The following FAM107B variants were observed in gnomAD, a reference collection of about 807,000 sequenced individuals.
FAM107B encodes the protein family with sequence similarity 107 member B.
FAM107B carries 21 observed loss-of-function variants against 31.5 expected under a neutral mutation model. That is an observed-to-expected ratio of 0.67 (90% CI 0.47 to 0.96). FAM107B has a LOEUF of 0.96. Among genes scored for constraint, FAM107B ranks in the 40% least tolerant of loss-of-function variants. FAM107B has a pLI of 0.00. For missense variants in FAM107B, 452 were observed against 377.1 expected, an observed-to-expected ratio of 1.20 and a Z score of -1.64; for synonymous variants, 157 against 141.5, an observed-to-expected ratio of 1.11 and a Z score of -0.78.
chr10:14,564,109 T>C (rs1330757739), intron 2 of FAM107B, among the ~76,000 whole-genome samples: 1 of 152,038 alleles, frequency 6.6e-6, no homozygotes, highest in Admixed American at 6.5e-5. Context: ...TCAATAGATA[T>C]AACCAAAAAA....
intron 1 of FAM107B, among the ~76,000 whole-genome samples, chr10:14,752,525 A>C (rs190776632): frequency 8.5e-5 from 13 of 152,368 alleles, no homozygotes; most frequent in African/African-American, 2.9e-4. Flanking sequence ...TATAGGACGC[A>C]AACTGTCAAT....
At position 14,628,111 on chromosome 10, in the gene FAM107B, G is replaced by GGTTTTTTTTTGTTTTTT. The variant is rs1554841903; in HGVS notation, c.469+39522_469+39523insAAAAAACAAAAAAAAAC. On this transcript the variant is annotated intron_variant, in intron 2 of 4. Transcript: ENST00000181796. ...TTCCTTGTTTGTTTTTTGTTTTGCT[G>GGTTTTTTTTTGTTTTTT]GTTTTTTTTTTTTTTTTTTTTTGAG... Among the ~76,000 whole-genome samples, 7 of 90,694 alleles carry GGTTTTTTTTTGTTTTTT rather than the reference G, an allele frequency of 7.7e-5. No individual in the cohort carries two copies. In the East Asian group the frequency reaches 2.7e-3, roughly 35 times the overall value. 59.5% of individuals were successfully genotyped at this position (90,694 alleles called of 152,430 possible). A position where few individuals can be genotyped will look rare whatever the true frequency, so the allele number is the denominator to read the frequency against.
intron 2 of FAM107B, among the ~76,000 whole-genome samples, chr10:14,630,017 C>T (rs900714225): frequency 6.6e-6 from 1 of 151,926 alleles, no homozygotes; most frequent in Admixed American, 6.6e-5. Context: ...AACAAATGAA[C>T]AATATTTATC....
intron 1 of FAM107B, among the ~76,000 whole-genome samples, chr10:14,761,011 C>CAAAAAAAAA (rs565835423): frequency 6.4e-5 from 5 of 77,630 alleles, no homozygotes; most frequent in Admixed American, 1.5e-4. Context: ...GACTCCGTTT[C>CAAAAAAAAA]AAAAAAAAAA....
chr10:14,640,205 A>T (rs1853595241), intron 2 of FAM107B, among the ~76,000 whole-genome samples: 1 of 152,250 alleles, frequency 6.6e-6, no homozygotes, highest in Admixed American at 6.5e-5. Flanking sequence ...CAGAGCAGTT[A>T]GGTATCTTGT....
intron 2 of FAM107B, among the ~76,000 whole-genome samples, chr10:14,577,403 T>C (rs1328750338): frequency 1.3e-5 from 2 of 152,250 alleles, no homozygotes; most frequent in Admixed American, 1.3e-4. Context: ...AACTCTTCCG[T>C]TCACGGAAAG....
At chr10:14,578,141 G>T (rs1303467554) in intron 2 of FAM107B, among the ~76,000 whole-genome samples, 6 of 152,240 alleles carry the variant, frequency 3.9e-5, no homozygotes, top group Admixed American at 3.3e-4. Flanking sequence ...AACGAACTCC[G>T]CTTCCAAGCA....
intron 2 of FAM107B, among the ~76,000 whole-genome samples, chr10:14,606,245 G>C (rs371703208): frequency 7.2e-5 from 11 of 152,162 alleles, no homozygotes; most frequent in South Asian, 4.1e-4. Flanking sequence ...CTTCCCCTCT[G>C]CCTAGCAGAC....
chr10:14,737,799 T>TCC (rs1223397428), intron 1 of FAM107B, among the ~76,000 whole-genome samples: 9 of 150,298 alleles, frequency 6.0e-5, no homozygotes, highest in Non-Finnish European at 1.3e-4. Flanking sequence ...TCTCTCTCTC[T>TCC]CCTTCGTTGG....
At chr10:14,568,571 T>G (rs74979727) in intron 2 of FAM107B, among the ~76,000 whole-genome samples, 1 of 81,588 alleles carries the variant, frequency 1.2e-5, no homozygotes. Flanking sequence ...AAGAGGAGGC[T>G]GGCTGATGAT....
At chr10:14,659,085 A>G (rs955982115) in intron 2 of FAM107B, among the ~76,000 whole-genome samples, 1 of 152,212 alleles carries the variant, frequency 6.6e-6, no homozygotes, top group African/African-American at 2.4e-5. Context: ...GGTCTTCACT[A>G]AAAGTCCTCT....
At chr10:14,698,561 G>C (rs1206144875) in intron 1 of FAM107B, among the ~76,000 whole-genome samples, 1 of 152,200 alleles carries the variant, frequency 6.6e-6, no homozygotes. Flanking sequence ...CCATATAGCA[G>C]CCCCTTGAGA....
intron 2 of FAM107B, among the ~76,000 whole-genome samples, chr10:14,570,233 G>GGTGGGTGGGTGTGTGT (rs768204428): frequency 7.1e-6 from 1 of 140,340 alleles, no homozygotes; most frequent in Non-Finnish European, 1.6e-5. Context: ...AAATGTGGTG[G>GGTGGGTGGGTGTGTGT]GTGTGTGTGT....
At chr10:14,567,902 A>G (rs1169831264) in intron 2 of FAM107B, among the ~76,000 whole-genome samples, 1 of 151,366 alleles carries the variant, frequency 6.6e-6, no homozygotes, top group Admixed American at 6.6e-5. Flanking sequence ...GTCCTGTGAA[A>G]CTCCTTAGTC....
intron 2 of FAM107B, among the ~76,000 whole-genome samples, chr10:14,624,627 C>A (rs1853107110): frequency 1.3e-5 from 2 of 151,782 alleles, no homozygotes; most frequent in African/African-American, 2.4e-5. Context: ...CAGAGCAAGA[C>A]TCCGTTTCAA....
At chr10:14,686,808 A>G (rs1855000738) in intron 1 of FAM107B, among the ~76,000 whole-genome samples, 1 of 152,232 alleles carries the variant, frequency 6.6e-6, no homozygotes, top group East Asian at 1.9e-4. Flanking sequence ...GTTCAGTGCC[A>G]ATTAACAAAT....
chr10:14,694,975 C>A (rs1190319957), intron 1 of FAM107B, among the ~76,000 whole-genome samples: 2 of 151,994 alleles, frequency 1.3e-5, no homozygotes, highest in Non-Finnish European at 2.9e-5. Context: ...TGATGGTTTT[C>A]TTTGCTGTGT....
At chr10:14,756,184 T>C (rs1832927564) in intron 1 of FAM107B, among the ~76,000 whole-genome samples, 1 of 152,224 alleles carries the variant, frequency 6.6e-6, no homozygotes, top group Non-Finnish European at 1.5e-5. Flanking sequence ...TCATATATTC[T>C]TCTCACTTAA....
At chr10:14,726,338 G>A (rs1264311936) in intron 1 of FAM107B, among the ~76,000 whole-genome samples, 1 of 152,108 alleles carries the variant, frequency 6.6e-6, no homozygotes, top group East Asian at 1.9e-4. Flanking sequence ...AAATCTATGT[G>A]GGAAGCATCT....
Sources: allele counts gnomAD v4.1 joint callset (sites outside exome capture counted in the v4.1 genomes callset), GRCh38; gene constraint gnomAD v4.1.1; transcripts MANE v1.5; gene names NCBI Gene and HGNC (gene_info 2026-07-23, HGNC 2026-07-21).